The following CABLES1 variants were observed in gnomAD, a reference collection of about 807,000 sequenced individuals.
CABLES1 encodes CDK5 and ABL1 enzyme substrate 1.
Under a neutral mutation model 57.8 loss-of-function variants are expected in CABLES1, and 36 were observed. The observed-to-expected ratio is 0.62, with a 90% CI of 0.48 to 0.82. The LOEUF (loss-of-function observed/expected upper bound fraction) is 0.82. Among genes scored for constraint, CABLES1 ranks in the 40% least tolerant of loss-of-function variants. The pLI, the probability that CABLES1 is intolerant of heterozygous loss-of-function variation, is 0.00. For synonymous variants in CABLES1, 374 were observed against 363.0 expected (o/e 1.03, Z -0.35); for missense variants, 767 against 836.6 (o/e 0.92, Z 1.03).
chr18:23,155,398 T>A (rs895542619), intron 1 of CABLES1, among the ~76,000 whole-genome samples: 1 of 152,208 alleles, frequency 6.6e-6, no homozygotes, highest in African/African-American at 2.4e-5. Context: ...CTGATTGATA[T>A]TTTAGGAGTT....
chr18:23,152,946 C>T (rs529961581), intron 1 of CABLES1, among the ~76,000 whole-genome samples: 3 of 151,776 alleles, frequency 2.0e-5, no homozygotes, highest in Non-Finnish European at 1.5e-5. Context: ...GGATTACAGG[C>T]GCCCACCACC....
intron 3 of CABLES1, among the ~76,000 whole-genome samples, chr18:23,199,058 G>T (rs971619412): frequency 6.6e-6 from 1 of 152,134 alleles, no homozygotes; most frequent in African/African-American, 2.4e-5. Flanking sequence ...GTGTCATGGT[G>T]GACTTAAAGA....
intron 1 of CABLES1, among the ~76,000 whole-genome samples, chr18:23,156,347 C>T (rs1461082811): frequency 6.6e-6 from 1 of 152,104 alleles, no homozygotes; most frequent in Non-Finnish European, 1.5e-5. Flanking sequence ...TTGATGCTGG[C>T]CAAAGGCTGC....
chr18:23,155,916 G>A (rs771916395), intron 1 of CABLES1: 1 of 1,614,146 alleles, frequency 6.2e-7, no homozygotes, highest in Non-Finnish European at 8.5e-7. Flanking sequence ...CTTTCTAAGA[G>A]GGGCTGCCAT....
At position 23,135,830 on chromosome 18, in the gene CABLES1, C is replaced by T. The variant is rs1231292933; in HGVS notation, c.68C>T (p.Ala23Val). The T allele has an allele frequency of 2.1e-6, 2 of 973,422 alleles. No individual in the cohort carries two copies. Among genetic ancestry groups the T allele is most frequent in the Non-Finnish European group, 2.4e-6 (2 of 818,076 alleles). 60.3% of individuals were successfully genotyped at this position (973,422 alleles called of 1,614,324 possible). A position where few individuals can be genotyped will look rare whatever the true frequency, so the allele number is the denominator to read the frequency against. Residue 23 changes from alanine to valine, a missense_variant, in exon 1 of 10, where the codon GCG (alanine) becomes GTG (valine). Physicochemically the swap from Ala to Val is moderately conservative, Grantham distance 64. This residue lies in a region of CABLES1 where 198 missense variants were observed against 149.7 expected (regional missense o/e 1.32). Coordinates refer to ENST00000256925, the MANE Select transcript of CABLES1 (RefSeq NM_001100619.3). ...AGCGGCAGCGCCGGCACCGACGCCG[C>T]GGGCGCCAGCGGATTGCAGCAGCCG... ...CSSGSAGTDA[A>V]GASGLQQPPP...
At position 23,161,754 on chromosome 18, in the gene CABLES1, C is replaced by CAAAAAAAAAA. The variant is rs1184010487; in HGVS notation, c.845+25159_845+25168dup. Among the ~76,000 whole-genome samples, 45 of 32,988 alleles carry CAAAAAAAAAA rather than the reference C, an allele frequency of 1.4e-3. 2 individuals are homozygous for CAAAAAAAAAA. Among genetic ancestry groups the CAAAAAAAAAA allele is most frequent in the African/African-American group, 2.3e-3 (31 of 13,254 alleles). The allele number at this position is 32,988 out of a possible 152,430, so 21.6% of individuals were successfully genotyped here. A position where few individuals can be genotyped will look rare whatever the true frequency, so the allele number is the denominator to read the frequency against. ...TGAAACCCCGTCTCTACTAAAAATC[C>CAAAAAAAAAA]AAAAAAAAAAAAAAAAAAAAAGCCA... On this transcript the variant is annotated intron_variant, in intron 1 of 9. Transcript: ENST00000256925.
chr18:23,158,376 T>C (rs2046979526), intron 1 of CABLES1, among the ~76,000 whole-genome samples: 1 of 152,208 alleles, frequency 6.6e-6, no homozygotes, highest in Non-Finnish European at 1.5e-5. Context: ...CTTGAATCCA[T>C]GCCCGGCACC....
intron 4 of CABLES1, among the ~76,000 whole-genome samples, chr18:23,221,061 C>G (rs1363058276): frequency 6.6e-6 from 1 of 152,166 alleles, no homozygotes; most frequent in Admixed American, 6.5e-5. Context: ...CCCCTGAGCA[C>G]CTTCAGGAAG....
intron 1 of CABLES1, among the ~76,000 whole-genome samples, chr18:23,181,915 A>G (rs1046934810): frequency 6.6e-6 from 1 of 152,178 alleles, no homozygotes; most frequent in African/African-American, 2.4e-5. Flanking sequence ...ATGTGAAGTA[A>G]TCATGACCTC....
chr18:23,136,851 G>A (rs1204191155), intron 1 of CABLES1, among the ~76,000 whole-genome samples: 3 of 152,266 alleles, frequency 2.0e-5, no homozygotes, highest in African/African-American at 7.2e-5. Context: ...CGCTTGTGCA[G>A]TGGGTCGGGA....
intron 4 of CABLES1, among the ~76,000 whole-genome samples, chr18:23,231,295 T>G (rs910479905): frequency 1.6e-4 from 24 of 152,336 alleles, no homozygotes; most frequent in African/African-American, 5.8e-4. Context: ...TTAATTAAAA[T>G]TAAATAAAAA....
intron 1 of CABLES1, among the ~76,000 whole-genome samples, chr18:23,165,174 C>A (rs945253110): frequency 6.6e-6 from 1 of 152,144 alleles, no homozygotes; most frequent in Admixed American, 6.5e-5. Flanking sequence ...TAGCTCATTG[C>A]AGCTTCAAAC....
intron 3 of CABLES1, among the ~76,000 whole-genome samples, chr18:23,210,698 T>G (rs914786496): frequency 6.6e-6 from 1 of 152,216 alleles, no homozygotes; most frequent in Non-Finnish European, 1.5e-5. Flanking sequence ...GCTACTTGCC[T>G]GCTGTGGTTC....
chr18:23,182,344 A>G (rs147710895), intron 1 of CABLES1, among the ~76,000 whole-genome samples: 520 of 152,288 alleles, frequency 3.4e-3, no homozygotes, highest in Non-Finnish European at 6.1e-3. Context: ...ACCACCTATT[A>G]TCTGGAGGTT....
rs188652950 is a variant in CABLES1 at position 23,258,301 on chromosome 18, A to G, written c.*934A>G. The G allele has an allele frequency of 3.2e-3, 484 of 152,780 alleles. 1 individual carries two copies. Among genetic ancestry groups the G allele is most frequent in the Middle Eastern group, 0.01 (3 of 294 alleles). 9.5% of individuals were successfully genotyped at this position (152,780 alleles called of 1,614,324 possible). A position where few individuals can be genotyped will look rare whatever the true frequency, so the allele number is the denominator to read the frequency against. ...CTATGTTAGAGTGCATCAGAAGCACATTTACTGTGCTATCTATATCGCTAT... is the reference window on the plus strand; with the variant it reads ...CTATGTTAGAGTGCATCAGAAGCACGTTTACTGTGCTATCTATATCGCTAT... On this transcript the variant is annotated 3_prime_UTR_variant, in exon 10 of 10. Coordinates refer to ENST00000256925, the MANE Select transcript of CABLES1 (RefSeq NM_001100619.3).
chr18:23,171,225 G>C (rs1168543215), intron 1 of CABLES1, among the ~76,000 whole-genome samples: 1 of 152,158 alleles, frequency 6.6e-6, no homozygotes, highest in Non-Finnish European at 1.5e-5. Context: ...TCTTGTTCCC[G>C]TAACACCAGT....
In CABLES1 at chr18:23,136,597, C is replaced by A; in HGVS notation, c.835C>A (p.Gln279Lys). 1 of 1,469,326 alleles carries A rather than the reference C, an allele frequency of 6.8e-7. No homozygotes were observed. Among genetic ancestry groups the A allele is most frequent in the South Asian group, 1.3e-5 (1 of 74,208 alleles). 91.0% of individuals were successfully genotyped at this position (1,469,326 alleles called of 1,614,324 possible). A position where few individuals can be genotyped will look rare whatever the true frequency, so the allele number is the denominator to read the frequency against. ...GGSTSAFEQLQRSRRRLISQR... is the reference protein window; with the variant it reads ...GGSTSAFEQLKRSRRRLISQR... ...CAGCACCAGCGCCTTCGAGCAGCTG[C>A]AGAGGTCCCGGTGAGTATCCGGGAT... The change falls in exon 1 of 10, where the codon CAG becomes AAG. Residue 279 changes from glutamine (Q) to lysine (K), a missense_variant. This residue lies in a region of CABLES1 where 529 missense variants were observed against 622.8 expected (regional missense o/e 0.85). Transcript: ENST00000256925.
chr18:23,174,479 CT>C (rs979810121), intron 1 of CABLES1, among the ~76,000 whole-genome samples: 8 of 148,258 alleles, frequency 5.4e-5, no homozygotes, highest in South Asian at 2.2e-4. Context: ...GTGTTTAAAA[CT>C]TTTTTTTTTG....
At chr18:23,237,831 C>A (rs1452925881) in intron 7 of CABLES1, among the ~76,000 whole-genome samples, 1 of 152,280 alleles carries the variant, frequency 6.6e-6, no homozygotes, top group Non-Finnish European at 1.5e-5. Context: ...GGGCTGCCAT[C>A]TCCTCTGCAG....
Sources: gnomAD v4.1 joint callset for allele counts (sites outside exome capture counted in the v4.1 genomes callset) on GRCh38, gnomAD v4.1.1 for gene constraint, gnomAD v4.1.1 regional missense constraint, MANE v1.5 for transcripts, NCBI Gene and HGNC (gene_info 2026-07-23, HGNC 2026-07-21) for gene names.